Variants in MAP2 observed in about 807,000 individuals in gnomAD.
MAP2 encodes microtubule associated protein 2.
A neutral mutation model predicts 137.6 loss-of-function variants in MAP2; 14 were observed. The ratio of observed to expected loss-of-function variants is 0.10; its 90% CI spans 0.07 to 0.16. MAP2 has a LOEUF of 0.16. MAP2 is among the 10% of genes least tolerant of loss of function. The pLI is 1.00. For synonymous variants in MAP2, 786 were observed against 782.3 expected (o/e 1.00, Z -0.08); for missense variants, 2,088 against 2,191.5 (o/e 0.95, Z 0.94).
At chr2:209,550,858 A>G (rs2069026467) in intron 2 of MAP2, among the ~76,000 whole-genome samples, 1 of 152,180 alleles carries the variant, frequency 6.6e-6, no homozygotes, top group Non-Finnish European at 1.5e-5. Context: ...AAGTTTGGTC[A>G]GATCTCAGTT....
chr2:209,579,681 G>A (rs1457728699), intron 2 of MAP2: 3 of 152,174 alleles, frequency 2.0e-5, no homozygotes, highest in African/African-American at 7.2e-5. Context: ...AGCCTGTGGG[G>A]ATAATGCTCC....
intron 11 of MAP2, chr2:209,705,365 G>C (rs1368837831): frequency 9.1e-6 from 3 of 329,710 alleles, no homozygotes; most frequent in Non-Finnish European, 1.6e-5. Context: ...TCAGTTATTA[G>C]AACTCCAAAA....
chr2:209,643,646 A>G (rs1048083268), intron 4 of MAP2, among the ~76,000 whole-genome samples: 3 of 152,232 alleles, frequency 2.0e-5, no homozygotes, highest in African/African-American at 7.2e-5. Context: ...TCGAAAGACG[A>G]TTTGAAAATG....
intron 1 of MAP2, among the ~76,000 whole-genome samples, chr2:209,474,757 G>A (rs540004100): frequency 6.6e-5 from 10 of 152,050 alleles, no homozygotes; most frequent in East Asian, 1.9e-4. Flanking sequence ...AAATAAAACC[G>A]TATTTTACTA....
chr2:209,507,308 G>T (rs1188527527), intron 1 of MAP2, among the ~76,000 whole-genome samples: 1 of 152,044 alleles, frequency 6.6e-6, no homozygotes, highest in South Asian at 2.1e-4. Flanking sequence ...GGTTGTTTTA[G>T]AATATAAACA....
At chr2:209,591,833 CCTCT>C (rs898948052) in intron 3 of MAP2, among the ~76,000 whole-genome samples, 1 of 152,076 alleles carries the variant, frequency 6.6e-6, no homozygotes, top group African/African-American at 2.4e-5. Context: ...CTCCCTCTCC[CCTCT>C]ATTTGTTAGG....
intron 13 of MAP2, among the ~76,000 whole-genome samples, chr2:209,712,392 T>C (rs1315735777): frequency 1.3e-5 from 2 of 152,118 alleles, no homozygotes; most frequent in African/African-American, 4.8e-5. Flanking sequence ...AATCACAGTG[T>C]CATTTGAAGC....
At chr2:209,434,558 G>A (rs1008886346) in intron 1 of MAP2, among the ~76,000 whole-genome samples, 1 of 151,516 alleles carries the variant, frequency 6.6e-6, no homozygotes, top group Admixed American at 6.6e-5. Context: ...TAAAAATATG[G>A]GACAAGCATG....
intron 1 of MAP2, among the ~76,000 whole-genome samples, chr2:209,464,496 G>T (rs928286826): frequency 1.3e-5 from 2 of 152,070 alleles, no homozygotes; most frequent in African/African-American, 2.4e-5. Context: ...TTGCTGTTTG[G>T]TGTGGGAGAG....
At chr2:209,529,041 T>C (rs1212157719) in intron 2 of MAP2, among the ~76,000 whole-genome samples, 1 of 152,056 alleles carries the variant, frequency 6.6e-6, no homozygotes, top group Non-Finnish European at 1.5e-5. Flanking sequence ...TTATAGTTCC[T>C]TAAGAACTTT....
chr2:209,593,819 T>C (rs1380616079), intron 3 of MAP2, among the ~76,000 whole-genome samples: 2 of 77,368 alleles, frequency 2.6e-5, no homozygotes, highest in Non-Finnish European at 4.9e-5. Flanking sequence ...TATAATATAA[T>C]ACATTATATT....
chr2:209,644,670 C>CAAAAA (rs68166330), intron 4 of MAP2, among the ~76,000 whole-genome samples: 13 of 68,584 alleles, frequency 1.9e-4, no homozygotes, highest in African/African-American at 4.5e-4. Flanking sequence ...GACCCTGTCT[C>CAAAAA]AAAAAAAAAA....
At chr2:209,427,099 T>A (rs1213672039) in intron 1 of MAP2, among the ~76,000 whole-genome samples, 1 of 152,210 alleles carries the variant, frequency 6.6e-6, no homozygotes, top group East Asian at 1.9e-4. Context: ...TTGATGTCCT[T>A]TTGAGACTGA....
intron 4 of MAP2, among the ~76,000 whole-genome samples, chr2:209,652,688 T>C (rs2094889642): frequency 6.6e-6 from 1 of 152,314 alleles, no homozygotes; most frequent in Admixed American, 6.5e-5. Flanking sequence ...GAATTCCTGC[T>C]GTCATTCTTC....
chr2:209,526,904 G>A (rs987371941), intron 2 of MAP2, among the ~76,000 whole-genome samples: 6 of 152,024 alleles, frequency 3.9e-5, no homozygotes, highest in African/African-American at 7.2e-5. Context: ...ATGGAATATA[G>A]TGGGGAATCT....
intron 1 of MAP2, among the ~76,000 whole-genome samples, chr2:209,462,113 T>C (rs1405967579): frequency 6.6e-6 from 1 of 152,216 alleles, no homozygotes; most frequent in African/African-American, 2.4e-5. Flanking sequence ...TGGTAAAATA[T>C]ATGAATGTTA....
intron 7 of MAP2, chr2:209,690,637 A>G (rs1313848190): frequency 7.8e-7 from 1 of 1,289,008 alleles, no homozygotes; most frequent in Non-Finnish European, 1.0e-6. Context: ...TGGCTGAGGA[A>G]GAGAAACCTG....
chr2:209,507,012 G>C (rs978559660), intron 1 of MAP2, among the ~76,000 whole-genome samples: 2 of 152,168 alleles, frequency 1.3e-5, no homozygotes, highest in Non-Finnish European at 2.9e-5. Flanking sequence ...ATGGCAGGCA[G>C]AAGGTGTAAG....
At chr2:209,525,015 A>C (rs2063818455) in intron 2 of MAP2, among the ~76,000 whole-genome samples, 1 of 151,996 alleles carries the variant, frequency 6.6e-6, no homozygotes, top group Admixed American at 6.6e-5. Context: ...AAATCTTGAG[A>C]CCTGGGTTTT....
Sources: gnomAD v4.1 joint callset for allele counts (sites outside exome capture counted in the v4.1 genomes callset) on GRCh38, gnomAD v4.1.1 for gene constraint, MANE v1.5 for transcripts, NCBI Gene and HGNC (gene_info 2026-07-23, HGNC 2026-07-21) for gene names.